The following SKAP1 variants were observed in gnomAD, a reference collection of about 807,000 sequenced individuals.
SKAP1 encodes the protein src kinase-associated phosphoprotein 1.
In SKAP1, 44 loss-of-function variants were observed where a neutral mutation model predicts 58.5. The observed-to-expected ratio is 0.75, with a 90% CI of 0.59 to 0.97. The LOEUF (loss-of-function observed/expected upper bound fraction) is 0.97. Ranked by LOEUF, SKAP1 falls within the 50% of genes least tolerant of loss-of-function variation. The pLI is 0.00. For synonymous variants in SKAP1, 127 were observed against 149.7 expected, an observed-to-expected ratio of 0.85 and a Z score of 1.11; for missense variants, 390 against 435.2, an observed-to-expected ratio of 0.90 and a Z score of 0.92.
At chr17:48,372,241 G>A in intron 2 of SKAP1, among the ~76,000 whole-genome samples, 1 of 152,080 alleles carries the variant, frequency 6.6e-6, no homozygotes, top group Admixed American at 6.6e-5. Context: ...CAAAGTGCTG[G>A]GATTACAGGC....
chr17:48,393,973 G>A (rs1394314245), intron 2 of SKAP1, among the ~76,000 whole-genome samples: 1 of 152,056 alleles, frequency 6.6e-6, no homozygotes, highest in Non-Finnish European at 1.5e-5. Flanking sequence ...CAGAGACTCA[G>A]GCCTGTAATC....
intron 4 of SKAP1, among the ~76,000 whole-genome samples, chr17:48,283,841 T>C (rs767567049): frequency 6.6e-6 from 1 of 152,226 alleles, no homozygotes; most frequent in African/African-American, 2.4e-5. Flanking sequence ...AGTGGGACTC[T>C]AGCCAGCCTC....
chr17:48,368,687 CAG>C (rs1366504466), intron 2 of SKAP1, among the ~76,000 whole-genome samples: 5 of 152,126 alleles, frequency 3.3e-5, no homozygotes, highest in Admixed American at 1.3e-4. Context: ...ACAGAACGAG[CAG>C]AGAGAGAATG....
chr17:48,275,613 T>G (rs886488796), intron 4 of SKAP1, among the ~76,000 whole-genome samples: 1 of 152,226 alleles, frequency 6.6e-6, no homozygotes, highest in African/African-American at 2.4e-5. Context: ...TGAACTTGAA[T>G]GATGAGTTTG....
At chr17:48,437,741 C>CAACAA in the SKAP1 span, among the ~76,000 whole-genome samples, 1 of 65,540 alleles carries the variant, frequency 1.5e-5, no homozygotes, top group African/African-American at 6.5e-5. Context: ...GACTCTGTCT[C>CAACAA]AAAAAAAAAA....
chr17:48,168,551 G>T lies in SKAP1; in HGVS notation c.877+2058C>A, dbSNP rs532487503. Among the ~76,000 whole-genome samples, 14 of 152,310 alleles carry T rather than the reference G, an allele frequency of 9.2e-5. No individual in the cohort carries two copies. The South Asian group carries it at 2.7e-3, about 29-fold the overall frequency. On this transcript the variant is annotated intron_variant, in intron 10 of 12. Transcript: ENST00000336915. ...ACGTGCCTGTGATCCCAGCTACTCGGGAAGCTGAGGCAGAAGAATCACTTG... is the reference window on the plus strand; with the variant it reads ...ACGTGCCTGTGATCCCAGCTACTCGTGAAGCTGAGGCAGAAGAATCACTTG...
intron 4 of SKAP1, among the ~76,000 whole-genome samples, chr17:48,271,221 A>G (rs780727399): frequency 6.6e-6 from 1 of 152,114 alleles, no homozygotes; most frequent in African/African-American, 2.4e-5. Flanking sequence ...TCTAAACACT[A>G]TATTTCTATT....
intron 11 of SKAP1, among the ~76,000 whole-genome samples, chr17:48,141,238 G>A (rs1477253119): frequency 2.6e-5 from 4 of 152,058 alleles, no homozygotes; most frequent in Non-Finnish European, 5.9e-5. Context: ...CAGTCTCCAA[G>A]TTAATCTCTG....
At chr17:48,247,732 C>T (rs2065313638) in intron 4 of SKAP1, among the ~76,000 whole-genome samples, 1 of 151,932 alleles carries the variant, frequency 6.6e-6, no homozygotes, top group Admixed American at 6.6e-5. Context: ...AAGTGCAAAC[C>T]GCATACTATA....
intron 11 of SKAP1, 39 bp downstream of exon 11, chr17:48,162,430 A>G (rs780659429): frequency 6.9e-7 from 1 of 1,440,198 alleles, no homozygotes; most frequent in East Asian, 2.3e-5. Flanking sequence ...GAATGAAAAA[A>G]TTGACTTTCT....
At chr17:48,155,097 G>A (rs1253652315) in intron 11 of SKAP1, among the ~76,000 whole-genome samples, 2 of 151,400 alleles carry the variant, frequency 1.3e-5, no homozygotes, top group African/African-American at 4.9e-5. Context: ...CTTGAATAGT[G>A]GAACAAGCAT....
At chr17:48,266,111 A>G (rs1220335372) in intron 4 of SKAP1, among the ~76,000 whole-genome samples, 3 of 151,978 alleles carry the variant, frequency 2.0e-5, no homozygotes, top group Non-Finnish European at 4.4e-5. Flanking sequence ...TTTCCGAGAT[A>G]ATCTAAACAC....
At chr17:48,247,923 T>C (rs975429669) in intron 4 of SKAP1, among the ~76,000 whole-genome samples, 2 of 152,226 alleles carry the variant, frequency 1.3e-5, no homozygotes, top group African/African-American at 4.8e-5. Context: ...ATTTTATTTA[T>C]TGGTTTAATT....
intron 6 of SKAP1, among the ~76,000 whole-genome samples, chr17:48,187,437 G>A (rs953118973): frequency 6.6e-6 from 1 of 152,068 alleles, no homozygotes; most frequent in Admixed American, 6.5e-5. Flanking sequence ...GCCCTTAGGG[G>A]GTTCTATTTC....
At chr17:48,307,437 G>A (rs1378146812) in intron 4 of SKAP1, 1 of 152,300 alleles carries the variant, frequency 6.6e-6, no homozygotes, top group Non-Finnish European at 1.5e-5. Flanking sequence ...GCAGAGTTCA[G>A]ACAGGTCAAC....
rs907869332 is a variant in SKAP1 at position 48,229,175 on chromosome 17, T to C, written c.281-39675A>G. On this transcript the variant is annotated intron_variant, in intron 4 of 12. Coordinates refer to ENST00000336915, the MANE Select transcript of SKAP1 (RefSeq NM_003726.4). ...CCTGCGGTTAAGTATGAATCTCTTT[T>C]TTCAACTTAGGGTTCTGAAGCTTTA... Among the ~76,000 whole-genome samples, 6 of 152,208 alleles carry C rather than the reference T, an allele frequency of 3.9e-5. No individual in the cohort carries two copies. The East Asian group carries it at 9.6e-4, about 24-fold the overall frequency.
chr17:48,175,847 C>T (rs946945550), intron 9 of SKAP1, among the ~76,000 whole-genome samples: 1 of 152,140 alleles, frequency 6.6e-6, no homozygotes, highest in South Asian at 2.1e-4. Context: ...TGGTGCTGGC[C>T]AAGCAGCACT....
intron 4 of SKAP1, among the ~76,000 whole-genome samples, chr17:48,198,177 C>A (rs996798092): frequency 3.9e-5 from 6 of 151,938 alleles, no homozygotes; most frequent in Non-Finnish European, 5.9e-5. Context: ...GGGTTTTGGC[C>A]GGGCGCGGTG....
intron 4 of SKAP1, chr17:48,295,575 A>G (rs2065956876): frequency 6.6e-6 from 1 of 150,730 alleles, no homozygotes; most frequent in African/African-American, 2.4e-5. Context: ...AGATCAGGAA[A>G]TGTCTTCAGT....
Sources: gnomAD v4.1 joint callset for allele counts (sites outside exome capture counted in the v4.1 genomes callset) on GRCh38, gnomAD v4.1.1 for gene constraint, MANE v1.5 for transcripts, NCBI Gene and HGNC (gene_info 2026-07-23, HGNC 2026-07-21) for gene names.